Variants in TMEM184A observed in about 807,000 individuals in gnomAD.
TMEM184A encodes the protein transmembrane protein 184A, also known as sexually dimorphic, expressed in male gonads 1.
TMEM184A carries 40 observed loss-of-function variants against 39.5 expected under a neutral mutation model. The ratio of observed to expected loss-of-function variants is 1.01; its 90% confidence interval spans 0.79 to 1.32. The LOEUF (loss-of-function observed/expected upper bound fraction) is 1.32, where lower values mean the gene tolerates loss of function less well. Among genes scored for constraint, TMEM184A ranks in the 40% most tolerant of loss-of-function variants. The probability of loss-of-function intolerance (pLI) is 0.00; values close to 1 mark genes in which losing one functional copy is unlikely to be tolerated. For synonymous variants in TMEM184A, 280 were observed against 252.3 expected (o/e 1.11, Z -1.04); for missense variants, 603 against 568.8 (o/e 1.06, Z -0.61).
intron 7 of TMEM184A, 107 bp downstream of exon 7, chr7:1,548,412 G>A: frequency 7.5e-7 from 1 of 1,332,858 alleles, no homozygotes; most frequent in Non-Finnish European, 1.0e-6. Context: ...TGCAGCTGGA[G>A]AAACTGAAGC....
rs746097194 is a variant in TMEM184A at position 1,546,561 on chromosome 7, C to T, written c.*391G>A. 1.2e-4 allele frequency: 22 copies of T among 180,240 alleles called. No homozygotes were observed. Among genetic ancestry groups the T allele is most frequent in the African/African-American group, 3.5e-4 (15 of 42,642 alleles). 11.2% of individuals were successfully genotyped at this position (180,240 alleles called of 1,614,324 possible). A position where few individuals can be genotyped will look rare whatever the true frequency, so the allele number is the denominator to read the frequency against. On this transcript the variant is annotated 3_prime_UTR_variant, in exon 9 of 9. Coordinates refer to ENST00000297477, the MANE Select transcript of TMEM184A (RefSeq NM_001097620.2). ...CCCTCCAGCTGCCCAGCCTGGGATC[C>T]GTCCGCTGTCTGTCTCCTGAACCAG...
In TMEM184A at chr7:1,548,684, G is replaced by A. The variant is rs537288202; in HGVS notation, c.649C>T (p.Arg217Cys). 2.4e-5 allele frequency: 38 copies of A among 1,613,296 alleles called. No individual in the cohort carries two copies. The East Asian group carries it at 5.1e-4, about 22-fold the overall frequency. ...AGGGTCACATAGAGGTAGCCGCTGCGGACACTAGGACAGACGGGGGCTGTG... is the reference window on the plus strand; with the variant it reads ...AGGGTCACATAGAGGTAGCCGCTGCAGACACTAGGACAGACGGGGGCTGTG... ...GKYHDGDFNV[R>C]SGYLYVTLIY... is the part of the protein sequence containing the mutation. The change falls in exon 7 of 9, where the codon CGC (arginine) becomes TGC (cysteine). Residue 217 changes from arginine (R) to cysteine (C), a missense_variant. Arg to Cys is a radical substitution (Grantham distance 180). Transcript: ENST00000297477.
rs375033425 is a variant in TMEM184A at position 1,550,836 on chromosome 7, A to G, written c.366T>C (p.Ser122=). Residue 122 remains serine, a synonymous_variant, in exon 3 of 9, where the codon TCT becomes TCC. Coordinates refer to ENST00000297477, the MANE Select transcript of TMEM184A (RefSeq NM_001097620.2). Reference sequence around the variant, plus strand: ...GCCCACCTTCGTAGCAGTCCCGCACAGAGTCGAAGTAGACGTAGTACTGGT... The same window carrying G: ...GCCCACCTTCGTAGCAGTCCCGCACGGAGTCGAAGTAGACGTAGTACTGGT... ...GDHQYYVYFD[S]VRDCYEAFVI... is the part of the protein sequence containing the mutation. 97 of 1,613,136 alleles carry G rather than the reference A, an allele frequency of 6.0e-5. No individual in the cohort carries two copies. The highest frequency in any genetic ancestry group is 8.2e-5 in the Non-Finnish European group (97 of 1,179,926).
In TMEM184A at chr7:1,548,873, G is replaced by T. The variant is rs559278680; in HGVS notation, c.645-185C>A. On this transcript the variant is annotated intron_variant, in intron 6 of 8. Transcript: ENST00000297477. The stretch of plus-strand genomic sequence containing the variant: ...CTGCAGGAGAGCGTGGGGAGCTGGG[G>T]GTGGCTGGGGGGCCTATGCAGGGGT... 654 of 770,418 alleles carry T rather than the reference G, an allele frequency of 8.5e-4. 4 individuals are homozygous for T. In the African/African-American group the frequency reaches 9.8e-3, roughly 12 times the overall value. 47.7% of individuals were successfully genotyped at this position (770,418 alleles called of 1,614,324 possible).
In TMEM184A at chr7:1,546,756, C is replaced by T. The variant is rs1259941575; in HGVS notation, c.*196G>A. ...CCCTCTCCTGCGGTGGCGGGCCCAC[C>T]TGGGTGCCTGCCAGGGCCATCAGGT... On this transcript the variant is annotated 3_prime_UTR_variant, in exon 9 of 9. Coordinates refer to ENST00000297477, the MANE Select transcript of TMEM184A (RefSeq NM_001097620.2). 5.7e-6 allele frequency: 3 copies of T among 530,198 alleles called. No individual in the cohort carries two copies. The highest frequency in any genetic ancestry group is 3.9e-5 in the African/African-American group (2 of 50,964). The allele number at this position is 530,198 out of a possible 1,614,324, so 32.8% of individuals were successfully genotyped here. A position where few individuals can be genotyped will look rare whatever the true frequency, so the allele number is the denominator to read the frequency against.
intron 2 of TMEM184A, among the ~76,000 whole-genome samples, chr7:1,552,838 T>C (rs975694695): frequency 2.0e-5 from 3 of 152,188 alleles, no homozygotes; most frequent in Non-Finnish European, 4.4e-5. Flanking sequence ...GCGGATTACC[T>C]GAGCTCAGGA....
chr7:1,548,483 C>T, intron 7 of TMEM184A, 36 bp downstream of exon 7: 8 of 1,587,728 alleles, frequency 5.0e-6, no homozygotes, highest in Non-Finnish European at 6.9e-6. Flanking sequence ...GCAGCCCCCA[C>T]CTCGGTAGCA....
chr7:1,551,049 C>T lies in TMEM184A; in HGVS notation c.220-67G>A, dbSNP rs532503533. ...TACCCCTGGACCAGCCCAGGTGAGC[C>T]GGGAAGGAGGTGGGGGTGGGTGCAG... is the stretch of plus-strand genomic sequence containing the variant. On this transcript the variant is annotated intron_variant, in intron 2 of 8. Transcript: ENST00000297477. 325 of 395,968 alleles carry T rather than the reference C, an allele frequency of 8.2e-4. 2 individuals are homozygous for T. The highest frequency in any genetic ancestry group is 6.0e-3 in the African/African-American group (251 of 42,068). The allele number at this position is 395,968 out of a possible 1,614,324, so 24.5% of individuals were successfully genotyped here.
chr7:1,555,616 C>T lies in TMEM184A; in HGVS notation c.1-132G>A, dbSNP rs1240782969. ...GGCTGAGCCACCCACCAGGCCGCAC[C>T]CCCCACACGGACACCAGCGCCAGGC... On this transcript the variant is annotated intron_variant, in intron 1 of 8. Transcript: ENST00000297477. This position sits in a 1 kb window ranked among gnomAD's most constrained non-coding sequence, Gnocchi z 5.2. 4.2e-6 allele frequency: 3 copies of T among 720,768 alleles called. No homozygotes were observed. The highest frequency in any genetic ancestry group is 1.8e-5 in the African/African-American group (1 of 56,964). 44.6% of individuals were successfully genotyped at this position (720,768 alleles called of 1,614,324 possible).
intron 6 of TMEM184A, chr7:1,549,387 TG>T (rs1165876924): frequency 2.6e-6 from 1 of 391,620 alleles, no homozygotes; most frequent in Non-Finnish European, 5.2e-6. Flanking sequence ...GGTGGCTGCC[TG>T]TCTGTTCAGC....
chr7:1,543,351 A>C lies in TMEM184A; in HGVS notation c.*3601T>G, dbSNP rs1784248296. The C allele has an allele frequency of 1.3e-5, 2 of 152,392 alleles. No individual in the cohort carries two copies. Among genetic ancestry groups the C allele is most frequent in the African/African-American group, 4.8e-5 (2 of 41,584 alleles). The allele number at this position is 152,392 out of a possible 1,614,324, so 9.4% of individuals were successfully genotyped here. Reference sequence around the variant, plus strand: ...CTCTCCCTTCCAGTGGAAGGAGCAGAGAGCAGCACGGCTGTCAGTGTTCCC... The same window carrying C: ...CTCTCCCTTCCAGTGGAAGGAGCAGCGAGCAGCACGGCTGTCAGTGTTCCC... On this transcript the variant is annotated 3_prime_UTR_variant, in exon 9 of 9. Transcript: ENST00000297477.
At chr7:1,548,035 G>C in intron 7 of TMEM184A, 96 bp from the exon 8 acceptor site, 1 of 1,360,824 alleles carries the variant, frequency 7.3e-7, no homozygotes, top group Middle Eastern at 2.6e-4. Flanking sequence ...GACGGGTGCT[G>C]TGACCCCGTC....
At chr7:1,550,468 AG>A (rs1404358181) in intron 3 of TMEM184A, 73 bp from the exon 4 acceptor site, 3 of 1,301,010 alleles carry the variant, frequency 2.3e-6, no homozygotes, top group Non-Finnish European at 3.2e-6. Context: ...CCATCTCACC[AG>A]GGCAGGAGGA....
rs1784539677 is a variant in TMEM184A, at chr7:1,550,323, AT to A, written c.457del (p.Ile153PhefsTer20). On this transcript the variant is annotated frameshift_variant, in exon 4 of 9. Transcript: ENST00000297477. LOFTEE classifies it high-confidence loss of function. Reference sequence around the variant, plus strand: ...GGCTTACTTGATGGGCTTTCCACGAATCTCAGCCATGATGGCGCCCTCGCCT... The same window carrying A: ...GGCTTACTTGATGGGCTTTCCACGAACTCAGCCATGATGGCGCCCTCGCCT... Reference protein sequence around the residue: ...LGGEGAIMAEIRGKPIKSSCL... With the variant: ...LGGEGAIMAEXRGKPIKSSCL... The A allele has an allele frequency of 6.2e-7, 1 of 1,612,848 alleles. No homozygotes were observed. The highest frequency in any genetic ancestry group is 8.5e-7 in the Non-Finnish European group (1 of 1,179,802).
At chr7:1,550,248 G>A (rs749103666) in intron 4 of TMEM184A, 50 bp from the exon 5 acceptor site, 17 of 1,605,442 alleles carry the variant, frequency 1.1e-5, no homozygotes, top group African/African-American at 8.0e-5. Flanking sequence ...CCCCGGCGCC[G>A]CCGGGCTCCC....
At chr7:1,554,466 C>T (rs2128555350) in intron 2 of TMEM184A, among the ~76,000 whole-genome samples, 1 of 152,328 alleles carries the variant, frequency 6.6e-6, no homozygotes, top group Non-Finnish European at 1.5e-5. Flanking sequence ...GTCAAGGGCT[C>T]TGGACAAATC....
chr7:1,543,977 T>G lies in TMEM184A; in HGVS notation c.*2975A>C, dbSNP rs1308256873. 1 of 152,310 alleles carries G rather than the reference T, an allele frequency of 6.6e-6. No homozygotes were observed. The highest frequency in any genetic ancestry group is 1.5e-5 in the Non-Finnish European group (1 of 68,116). 9.4% of individuals were successfully genotyped at this position (152,310 alleles called of 1,614,324 possible). A position where few individuals can be genotyped will look rare whatever the true frequency, so the allele number is the denominator to read the frequency against. ...TCTGTGTGGCCTGGGGCCAGTTCCC[T>G]CCTTCCCAGCCTTGCTTCCTGTGAG... On this transcript the variant is annotated 3_prime_UTR_variant, in exon 9 of 9. Transcript: ENST00000297477.
intron 2 of TMEM184A, among the ~76,000 whole-genome samples, chr7:1,553,880 G>T (rs533604264): frequency 1.3e-5 from 2 of 152,248 alleles, no homozygotes; most frequent in East Asian, 3.9e-4. Context: ...GTGGGCTCAG[G>T]GGTGGGACAG....
chr7:1,550,276 G>T (rs973429969), intron 4 of TMEM184A, 29 bp downstream of exon 4: 3 of 1,610,956 alleles, frequency 1.9e-6, no homozygotes, highest in Non-Finnish European at 1.7e-6. Flanking sequence ...GGTGTGTGGG[G>T]TGTGGGGGCT....
Sources: gnomAD v4.1 joint callset for allele counts (sites outside exome capture counted in the v4.1 genomes callset) on GRCh38, gnomAD v4.1.1 for gene constraint, Gnocchi (gnomAD v3.1) non-coding constraint, MANE v1.5 for transcripts, NCBI Gene and HGNC (gene_info 2026-07-23, HGNC 2026-07-21) for gene names.